FABP5: variants seen among roughly 807,000 people sequenced by gnomAD.
FABP5 encodes the protein fatty acid-binding protein 5.
FABP5 carries 7 observed loss-of-function variants against 16.9 expected under a neutral mutation model. That is an observed-to-expected ratio of 0.41 (90% CI 0.24 to 0.78). The LOEUF (loss-of-function observed/expected upper bound fraction) is 0.78, where lower values mean the gene tolerates loss of function less well. FABP5 is among the 30% of genes least tolerant of loss of function. The probability of loss-of-function intolerance (pLI) is 0.30; values close to 1 mark genes in which losing one functional copy is unlikely to be tolerated. For synonymous variants in FABP5, 37 were observed against 52.8 expected (o/e 0.70, Z 1.30); for missense variants, 119 against 159.5 (o/e 0.75, Z 1.37).
rs1807833253 is a variant in FABP5, at chr8:81,281,662, G to C, written c.79+988G>C. ...TTCTTGAAGCGTTCCGAGGGAGAATGAATCTCAGTAGTAAGATTCATTTCT... is the reference window on the plus strand; with the variant it reads ...TTCTTGAAGCGTTCCGAGGGAGAATCAATCTCAGTAGTAAGATTCATTTCT... On this transcript the variant is annotated intron_variant, in intron 1 of 3. Coordinates refer to ENST00000297258, the MANE Select transcript of FABP5 (RefSeq NM_001444.3). This position sits in a 1 kb window ranked among gnomAD's most constrained non-coding sequence, Gnocchi z 4.5. 1 of 985,260 alleles carries C rather than the reference G, an allele frequency of 1.0e-6. No homozygotes were observed. The highest frequency in any genetic ancestry group is 1.7e-5 in the African/African-American group (1 of 57,240). The allele number at this position is 985,260 out of a possible 1,614,324, so 61.0% of individuals were successfully genotyped here.
In FABP5 at chr8:81,283,507, A is replaced by G; in HGVS notation, c.221A>G (p.Glu74Gly). The change falls in exon 2 of 4, where the codon GAA (glutamate) becomes GGA (glycine). Residue 74 changes from glutamate (E) to glycine (G), a missense_variant. Transcript: ENST00000297258. ...TCTTGTACCCTGGGAGAGAAGTTTG[A>G]AGAAACCACAGCTGATGGCAGAAAA... Reference protein sequence around the residue: ...QFSCTLGEKFEETTADGRKTQ... With the variant: ...QFSCTLGEKFGETTADGRKTQ... 2 of 1,611,966 alleles carry G rather than the reference A, an allele frequency of 1.2e-6. No individual in the cohort carries two copies. Among genetic ancestry groups the G allele is most frequent in the African/African-American group, 2.7e-5 (2 of 74,888 alleles).
chr8:81,284,431 A>T, intron 3 of FABP5, 83 bp from the exon 4 acceptor site: 1 of 892,868 alleles, frequency 1.1e-6, no homozygotes, highest in South Asian at 1.5e-5. Flanking sequence ...ATTTCGTGGG[A>T]CTTTGATTCT....
Position 81,280,669 on chromosome 8 carries a change from A to G in FABP5, c.74A>G (p.Glu25Gly). The G allele has an allele frequency of 1.3e-6, 2 of 1,557,370 alleles. No individual in the cohort carries two copies. The highest frequency in any genetic ancestry group is 8.7e-7 in the Non-Finnish European group (1 of 1,149,630). ...AAAGGCTTTGATGAATACATGAAGG[A>G]GCTAGGTGAGGCACCCGGCCTGGCA... Reference protein sequence around the residue: ...DSKGFDEYMKELGVGIALRKM... With the variant: ...DSKGFDEYMKGLGVGIALRKM... The change falls in exon 1 of 4, where the codon GAG becomes GGG. Residue 25 changes from glutamate to glycine, a missense_variant. Glu to Gly is a moderately conservative substitution (Grantham distance 98, BLOSUM62 -2). Transcript: ENST00000297258.
chr8:81,283,850 A>G lies in FABP5; in HGVS notation c.253-23A>G, dbSNP rs960674531. ...CTCTTGTAATGTACTTGGAAGATTA[A>G]AACGTTTACTTTGTTTTTGCAGACT... On this transcript the variant is annotated intron_variant, in intron 2 of 3. Transcript: ENST00000297258. 4 of 1,588,100 alleles carry G rather than the reference A, an allele frequency of 2.5e-6. No individual in the cohort carries two copies. In the Admixed American group the frequency reaches 5.1e-5, roughly 20 times the overall value.
Position 81,283,669 on chromosome 8 carries a change from A to G in FABP5, c.252+131A>G. The G allele has an allele frequency of 7.1e-6, 8 of 1,121,966 alleles. No individual in the cohort carries two copies. In the South Asian group the frequency reaches 1.4e-4, roughly 19 times the overall value. The allele number at this position is 1,121,966 out of a possible 1,614,324, so 69.5% of individuals were successfully genotyped here. A position where few individuals can be genotyped will look rare whatever the true frequency, so the allele number is the denominator to read the frequency against. On this transcript the variant is annotated intron_variant, in intron 2 of 3. Coordinates refer to ENST00000297258, the MANE Select transcript of FABP5 (RefSeq NM_001444.3). ...TGAATTGAATTTTGTCAAATTAGCA[A>G]AAGTATCAACTTCATCATAGAATTG... is the stretch of plus-strand genomic sequence containing the variant.
chr8:81,284,065 C>T (rs1807875439), intron 3 of FABP5, 91 bp downstream of exon 3: 4 of 991,418 alleles, frequency 4.0e-6, no homozygotes, highest in Non-Finnish European at 3.0e-6. Flanking sequence ...TAACAGAACT[C>T]AGTTTGGAAG....
In FABP5 at chr8:81,281,360, A is replaced by AC. The variant is rs1374164814; in HGVS notation, c.79+690dup. On this transcript the variant is annotated intron_variant, in intron 1 of 3. Transcript: ENST00000297258. The surrounding 1 kb of genome is among the most constrained non-coding windows in gnomAD (Gnocchi z 4.5). ...GTTGAGCCGAACCCTTTGGATTGGT[A>AC]CCCCATGGAACACCAGGGCCCCCGA... 1 of 985,148 alleles carries AC rather than the reference A, an allele frequency of 1.0e-6. No homozygotes were observed. 61.0% of individuals were successfully genotyped at this position (985,148 alleles called of 1,614,324 possible).
chr8:81,281,395 C>T lies in FABP5; in HGVS notation c.79+721C>T, dbSNP rs1807828952. On this transcript the variant is annotated intron_variant, in intron 1 of 3. Transcript: ENST00000297258. This position sits in a 1 kb window ranked among gnomAD's most constrained non-coding sequence, Gnocchi z 4.5. ...ACACCAGGGCCCCCGAGAAGCGTGG[C>T]GCTGGCGGTGCCGACCTGCTGCTGG... The T allele has an allele frequency of 1.0e-6, 1 of 985,586 alleles. No homozygotes were observed. The highest frequency in any genetic ancestry group is 1.7e-5 in the African/African-American group (1 of 57,180). The allele number at this position is 985,586 out of a possible 1,614,324, so 61.1% of individuals were successfully genotyped here. A position where few individuals can be genotyped will look rare whatever the true frequency, so the allele number is the denominator to read the frequency against.
At chr8:81,282,167 A>T (rs1003184640) in intron 1 of FABP5, among the ~76,000 whole-genome samples, 24 of 147,786 alleles carry the variant, frequency 1.6e-4, no homozygotes, top group Admixed American at 1.1e-3. Context: ...AATAAATAAC[A>T]GTGTGTGTGT....
rs1807835828 is a variant in FABP5, at chr8:81,281,732, C to T, written c.79+1058C>T. 1 of 938,574 alleles carries T rather than the reference C, an allele frequency of 1.1e-6. No homozygotes were observed. Among genetic ancestry groups the T allele is most frequent in the Non-Finnish European group, 1.3e-6 (1 of 787,200 alleles). 58.1% of individuals were successfully genotyped at this position (938,574 alleles called of 1,614,324 possible). On this transcript the variant is annotated intron_variant, in intron 1 of 3. Transcript: ENST00000297258. The surrounding 1 kb of genome is among the most constrained non-coding windows in gnomAD (Gnocchi z 4.5). ...TTATAAATTACTGTCCTTTTCTATGCCAGTGACAGATTGCATGCTGATTGA... is the reference window on the plus strand; with the variant it reads ...TTATAAATTACTGTCCTTTTCTATGTCAGTGACAGATTGCATGCTGATTGA...
chr8:81,280,947 T>G (rs1807819198), intron 1 of FABP5: 1 of 427,214 alleles, frequency 2.3e-6, no homozygotes, highest in African/African-American at 2.1e-5. Flanking sequence ...TACCTCTGCT[T>G]CTTTCCCTTC....
intron 1 of FABP5, 35 bp downstream of exon 1, chr8:81,280,709 G>A (rs1403892098): frequency 1.3e-6 from 2 of 1,538,808 alleles, no homozygotes; most frequent in South Asian, 1.2e-5. Context: ...CTGCAACGTG[G>A]CGTGTTGTGC....
intron 2 of FABP5, 120 bp from the exon 3 acceptor site, chr8:81,283,753 G>A: frequency 2.1e-6 from 2 of 957,908 alleles, no homozygotes; most frequent in Non-Finnish European, 3.1e-6. Context: ...AAATCAATAT[G>A]GGTTAATGAA....
In FABP5 at chr8:81,281,381, C is replaced by T. The variant is rs1807828600; in HGVS notation, c.79+707C>T. The T allele has an allele frequency of 2.0e-6, 2 of 985,706 alleles. No homozygotes were observed. Among genetic ancestry groups the T allele is most frequent in the Non-Finnish European group, 2.4e-6 (2 of 830,202 alleles). 61.1% of individuals were successfully genotyped at this position (985,706 alleles called of 1,614,324 possible). A position where few individuals can be genotyped will look rare whatever the true frequency, so the allele number is the denominator to read the frequency against. ...TGGTACCCCATGGAACACCAGGGCC[C>T]CCGAGAAGCGTGGCGCTGGCGGTGC... On this transcript the variant is annotated intron_variant, in intron 1 of 3. Transcript: ENST00000297258. The surrounding 1 kb of genome is among the most constrained non-coding windows in gnomAD (Gnocchi z 4.5).
chr8:81,280,892 C>T (rs1183752558), intron 1 of FABP5: 1 of 503,490 alleles, frequency 2.0e-6, no homozygotes, highest in Non-Finnish European at 3.6e-6. Context: ...TCTTGCCCGC[C>T]CGCGGGCCGC....
intron 1 of FABP5, 175 bp downstream of exon 1, chr8:81,280,849 G>C: frequency 1.6e-6 from 1 of 606,822 alleles, no homozygotes; most frequent in South Asian, 2.0e-5. Context: ...GCACCACGCG[G>C]GCAGGCGGCG....
intron 1 of FABP5, 28 bp from the exon 2 acceptor site, chr8:81,283,338 T>G (rs1272856218): frequency 6.5e-7 from 1 of 1,540,962 alleles, no homozygotes; most frequent in Non-Finnish European, 8.8e-7. Context: ...GGTCTTCCTG[T>G]TATTTAACAT....
At chr8:81,282,570 G>T (rs1477982996) in intron 1 of FABP5, among the ~76,000 whole-genome samples, 1 of 151,946 alleles carries the variant, frequency 6.6e-6, no homozygotes, top group African/African-American at 2.4e-5. Context: ...AACTCTAAGG[G>T]GAAAGAGATA....
At chr8:81,280,895 C>A (rs907298820) in intron 1 of FABP5, 3 of 521,258 alleles carry the variant, frequency 5.8e-6, no homozygotes, top group Non-Finnish European at 1.0e-5. Flanking sequence ...TGCCCGCCCG[C>A]GGGCCGCAAG....
Sources: gnomAD v4.1 joint callset for allele counts (sites outside exome capture counted in the v4.1 genomes callset) on GRCh38, gnomAD v4.1.1 for gene constraint, Gnocchi (gnomAD v3.1) non-coding constraint, MANE v1.5 for transcripts, NCBI Gene and HGNC (gene_info 2026-07-23, HGNC 2026-07-21) for gene names.